The following GPR160 variants were observed in gnomAD, a reference collection of about 807,000 sequenced individuals.
GPR160 encodes the protein probable G protein-coupled receptor 160.
A neutral mutation model predicts 2.6 loss-of-function variants in GPR160; 2 were observed. That is an observed-to-expected ratio of 0.77 (90% CI 0.32 to 2.44). GPR160 has a LOEUF of 2.44. GPR160 is among the 30% of genes most tolerant of loss of function. GPR160 has a pLI of 0.11. For synonymous variants in GPR160, 130 were observed against 132.2 expected, an observed-to-expected ratio of 0.98 and a Z score of 0.12; for missense variants, 351 against 383.6, an observed-to-expected ratio of 0.91 and a Z score of 0.71.
At position 170,042,682 on chromosome 3, in the gene GPR160, T is replaced by A. The variant is rs1444015998; in HGVS notation, c.-193+3639T>A. Among the ~76,000 whole-genome samples, 18 of 145,330 alleles carry A rather than the reference T, an allele frequency of 1.2e-4. No homozygotes were observed. The South Asian group carries it at 1.5e-3, about 12-fold the overall frequency. On this transcript the variant is annotated intron_variant, in intron 2 of 3. Transcript: ENST00000355897. The stretch of plus-strand genomic sequence containing the variant: ...CATCTCTACAAAAAAAAAAAATAAA[T>A]AAATAATAATAATAATAATAAAATT...
intron 2 of GPR160, among the ~76,000 whole-genome samples, chr3:170,076,879 C>T (rs1712879205): frequency 6.6e-6 from 1 of 152,080 alleles, no homozygotes; most frequent in Non-Finnish European, 1.5e-5. Flanking sequence ...TACATTGGGT[C>T]CTTTTCTACA....
intron 2 of GPR160, among the ~76,000 whole-genome samples, chr3:170,079,559 A>G (rs1713028352): frequency 6.6e-6 from 1 of 152,220 alleles, no homozygotes; most frequent in Non-Finnish European, 1.5e-5. Flanking sequence ...TGGTGTATGC[A>G]TCAATCTCTC....
chr3:170,043,710 C>T (rs1448148233), intron 2 of GPR160, among the ~76,000 whole-genome samples: 2 of 152,152 alleles, frequency 1.3e-5, no homozygotes, highest in Admixed American at 1.3e-4. Flanking sequence ...GGCAAACTAT[C>T]TTCTTATCAC....
At chr3:170,063,552 C>CAAAAAAAAAAAAA (rs528295183) in intron 2 of GPR160, among the ~76,000 whole-genome samples, 13 of 78,934 alleles carry the variant, frequency 1.6e-4, no homozygotes, top group South Asian at 5.0e-4. Flanking sequence ...ACAAAAAAAG[C>CAAAAAAAAAAAAA]AAAAAAAAAA....
At chr3:170,052,010 C>T (rs1716977531) in intron 2 of GPR160, among the ~76,000 whole-genome samples, 2 of 152,194 alleles carry the variant, frequency 1.3e-5, no homozygotes, top group African/African-American at 4.8e-5. Flanking sequence ...ACTGCAACCT[C>T]CACCTCCCAG....
intron 2 of GPR160, among the ~76,000 whole-genome samples, chr3:170,064,970 T>C (rs1239431758): frequency 6.6e-6 from 1 of 152,142 alleles, no homozygotes; most frequent in Non-Finnish European, 1.5e-5. Context: ...ACAACGGTGC[T>C]ACCTAAGAAA....
chr3:170,045,275 T>C (rs1334624158), intron 2 of GPR160, among the ~76,000 whole-genome samples: 4 of 151,220 alleles, frequency 2.6e-5, no homozygotes, highest in Non-Finnish European at 5.9e-5. Context: ...CCAAAAGAAG[T>C]GAGTTCAGGC....
chr3:170,064,417 A>G (rs1388027150), intron 2 of GPR160, among the ~76,000 whole-genome samples: 3 of 152,108 alleles, frequency 2.0e-5, no homozygotes, highest in Non-Finnish European at 4.4e-5. Context: ...CCGGGAATCT[A>G]AGATAGGCCA....
chr3:170,059,198 A>T (rs1400405539), intron 2 of GPR160, among the ~76,000 whole-genome samples: 1 of 152,238 alleles, frequency 6.6e-6, no homozygotes, highest in East Asian at 1.9e-4. Context: ...ATTTTGAGCC[A>T]TGTAAATATT....
chr3:170,059,517 A>G (rs1180591976), intron 2 of GPR160, among the ~76,000 whole-genome samples: 4 of 152,214 alleles, frequency 2.6e-5, no homozygotes, highest in Admixed American at 6.5e-5. Flanking sequence ...GAACAAATGA[A>G]TCAATATACT....
chr3:170,065,733 T>C (rs1452777008), intron 2 of GPR160, among the ~76,000 whole-genome samples: 1 of 152,250 alleles, frequency 6.6e-6, no homozygotes, highest in Non-Finnish European at 1.5e-5. Flanking sequence ...ACTTAAATTA[T>C]TTGTGTAATT....
chr3:170,048,810 C>G (rs1271370513), intron 2 of GPR160, among the ~76,000 whole-genome samples: 1 of 152,208 alleles, frequency 6.6e-6, no homozygotes, highest in Non-Finnish European at 1.5e-5. Flanking sequence ...CCTCTTCAGG[C>G]TTGCTCCATG....
At position 170,066,330 on chromosome 3, in the gene GPR160, C is replaced by T. The variant is rs552343122; in HGVS notation, c.-192-13444C>T. 5.3e-4 allele frequency among the ~76,000 whole-genome samples: 80 copies of T among 151,538 alleles called. 2 individuals carry two copies. The South Asian group carries it at 0.015, about 29-fold the overall frequency. On this transcript the variant is annotated intron_variant, in intron 2 of 3. Transcript: ENST00000355897. The stretch of plus-strand genomic sequence containing the variant: ...TAATTTTTGGTATTTTTAGTAGAGA[C>T]GGGTTTCACCATGTTAGCCAGGATG...
intron 2 of GPR160, among the ~76,000 whole-genome samples, chr3:170,074,301 C>T (rs896837222): frequency 6.6e-6 from 1 of 151,980 alleles, no homozygotes; most frequent in African/African-American, 2.4e-5. Context: ...CAAAATAGTT[C>T]CTTATTCTTT....
At chr3:170,055,177 C>T (rs4955585) in intron 2 of GPR160, among the ~76,000 whole-genome samples, 41,035 of 152,054 alleles carry the variant, frequency 0.27, 6,265 homozygotes, top group East Asian at 0.51. Flanking sequence ...TGTTATATTT[C>T]TGAATCCTGA....
chr3:170,074,613 C>T (rs1315143938), intron 2 of GPR160, among the ~76,000 whole-genome samples: 1 of 152,058 alleles, frequency 6.6e-6, no homozygotes, highest in East Asian at 1.9e-4. Context: ...TCCCAAGTAG[C>T]TAGGACCACA....
intron 2 of GPR160, among the ~76,000 whole-genome samples, chr3:170,051,517 G>C (rs911931844): frequency 1.3e-5 from 2 of 152,128 alleles, no homozygotes; most frequent in Admixed American, 1.3e-4. Context: ...CTGAGATCAG[G>C]AGTTCAAGAT....
Position 170,085,005 on chromosome 3 carries a change from G to A in GPR160, c.*16G>A, listed in dbSNP as rs772699640. The A allele has an allele frequency of 9.6e-5, 120 of 1,252,836 alleles. 1 individual carries two copies. The highest frequency in any genetic ancestry group is 1.2e-4 in the Non-Finnish European group (111 of 907,348). The allele number at this position is 1,252,836 out of a possible 1,614,324, so 77.6% of individuals were successfully genotyped here. The stretch of plus-strand genomic sequence containing the variant: ...GATTTGTTAATATTATTAATTAAAA[G>A]TTACAGCTGTCATAAGATCATAATT... On this transcript the variant is annotated 3_prime_UTR_variant, in exon 4 of 4. Coordinates refer to ENST00000355897, the MANE Select transcript of GPR160 (RefSeq NM_014373.3).
intron 2 of GPR160, among the ~76,000 whole-genome samples, chr3:170,046,156 C>T (rs369274485): frequency 1.3e-5 from 2 of 152,134 alleles, no homozygotes; most frequent in East Asian, 1.9e-4. Context: ...GACCTCTGTT[C>T]GTGGAGTGAG....
Sources: gnomAD v4.1 joint callset for allele counts (sites outside exome capture counted in the v4.1 genomes callset) on GRCh38, gnomAD v4.1.1 for gene constraint, MANE v1.5 for transcripts, NCBI Gene and HGNC (gene_info 2026-07-23, HGNC 2026-07-21) for gene names.